The following KLHL42 variants were observed in gnomAD, a reference collection of about 807,000 sequenced individuals.
KLHL42 encodes kelch like family member 42, also known as kelch-like protein 42.
A neutral mutation model predicts 32.7 loss-of-function variants in KLHL42; 27 were observed. The observed-to-expected ratio is 0.83, with a 90% CI of 0.61 to 1.14. The LOEUF (loss-of-function observed/expected upper bound fraction) is 1.14. KLHL42 is among the 50% of genes most tolerant of loss of function. KLHL42 has a pLI of 0.00. For synonymous variants in KLHL42, 267 were observed against 248.2 expected, an observed-to-expected ratio of 1.08 and a Z score of -0.71; for missense variants, 491 against 560.8, an observed-to-expected ratio of 0.88 and a Z score of 1.26.
At chr12:27,783,924 A>G (rs980443814) in intron 1 of KLHL42, among the ~76,000 whole-genome samples, 2 of 152,102 alleles carry the variant, frequency 1.3e-5, no homozygotes, top group African/African-American at 4.8e-5. Flanking sequence ...ATTCCAGCCT[A>G]TGGATGTACC....
Position 27,780,312 on chromosome 12 carries a change from C to A in KLHL42, c.-19C>A, listed in dbSNP as rs749872535. 6.5e-6 allele frequency: 10 copies of A among 1,543,158 alleles called. No homozygotes were observed. The highest frequency in any genetic ancestry group is 8.7e-6 in the Non-Finnish European group (10 of 1,149,420). ...GCGCAGATCTGGCGGTGAGCGCTGC[C>A]GCCCCGGGGCCCCCAGCCATGTCGG... is the stretch of plus-strand genomic sequence containing the variant. On this transcript the variant is annotated 5_prime_UTR_variant, in exon 1 of 3. Transcript: ENST00000381271. The surrounding 1 kb of genome is among the most constrained non-coding windows in gnomAD (Gnocchi z 8.8).
Position 27,781,196 on chromosome 12 carries a change from A to C in KLHL42, c.866A>C (p.Gln289Pro). ...NEWLQVASMN[Q>P]KRSNFKLVAV... ...TGGCTCCAGGTGGCCTCCATGAACCAGAAGAGGTAAGCACCCCGGCAGAGT... is the reference window on the plus strand; with the variant it reads ...TGGCTCCAGGTGGCCTCCATGAACCCGAAGAGGTAAGCACCCCGGCAGAGT... Residue 289 changes from glutamine to proline, a missense_variant, in exon 1 of 3, where the codon CAG (glutamine) becomes CCG (proline). Transcript: ENST00000381271. 1 of 1,613,622 alleles carries C rather than the reference A, an allele frequency of 6.2e-7. No homozygotes were observed. The highest frequency in any genetic ancestry group is 8.5e-7 in the Non-Finnish European group (1 of 1,180,010).
rs764521544 is a variant in KLHL42, at chr12:27,780,848, C to T, written c.518C>T (p.Pro173Leu). The T allele has an allele frequency of 1.2e-6, 2 of 1,613,788 alleles. No individual in the cohort carries two copies. Among genetic ancestry groups the T allele is most frequent in the African/African-American group, 1.3e-5 (1 of 74,938 alleles). The change falls in exon 1 of 3, where the codon CCC becomes CTC. Residue 173 changes from proline (P) to leucine (L), a missense_variant. Physicochemically the swap from Pro to Leu is moderately conservative, Grantham distance 98. Coordinates refer to ENST00000381271, the MANE Select transcript of KLHL42 (RefSeq NM_020782.2). The surrounding 1 kb of genome is among the most constrained non-coding windows in gnomAD (Gnocchi z 8.8). ...KPQFHLLGSP[P>L]QAPGDVSLKQ... ...CAGTTCCACCTCCTGGGGTCTCCTC[C>T]CCAAGCTCCAGGGGATGTCAGCCTG...
chr12:27,782,961 A>G (rs2062155472), intron 1 of KLHL42, among the ~76,000 whole-genome samples: 1 of 152,164 alleles, frequency 6.6e-6, no homozygotes, highest in Admixed American at 6.5e-5. Context: ...AATTATATGT[A>G]TACTTGTATA....
chr12:27,795,683 T>C (rs2062215485), intron 2 of KLHL42, among the ~76,000 whole-genome samples: 1 of 152,224 alleles, frequency 6.6e-6, no homozygotes, highest in Non-Finnish European at 1.5e-5. Context: ...GTGAGACTTT[T>C]AAAATTTAGT....
At chr12:27,788,479 C>A (rs540247926) in intron 1 of KLHL42, among the ~76,000 whole-genome samples, 1 of 152,312 alleles carries the variant, frequency 6.6e-6, no homozygotes, top group African/African-American at 2.4e-5. Flanking sequence ...TTGTATGTAG[C>A]TACTGTTAAT....
intron 2 of KLHL42, among the ~76,000 whole-genome samples, chr12:27,797,033 A>G (rs1166651262): frequency 1.3e-5 from 2 of 152,100 alleles, no homozygotes; most frequent in African/African-American, 4.8e-5. Context: ...GACATGGGAA[A>G]TGGGAAAAGG....
chr12:27,783,339 A>G (rs2062156879), intron 1 of KLHL42, among the ~76,000 whole-genome samples: 1 of 152,070 alleles, frequency 6.6e-6, no homozygotes, highest in Non-Finnish European at 1.5e-5. Flanking sequence ...ATGTAAGTGG[A>G]CCCTCACAGT....
chr12:27,781,257 T>C, intron 1 of KLHL42, 55 bp downstream of exon 1: 2 of 1,577,824 alleles, frequency 1.3e-6, no homozygotes, highest in Non-Finnish European at 1.7e-6. Context: ...TGTTCATTAG[T>C]TCATTACCCC....
chr12:27,781,730 T>C (rs2062149665), intron 1 of KLHL42, among the ~76,000 whole-genome samples: 1 of 152,208 alleles, frequency 6.6e-6, no homozygotes, highest in African/African-American at 2.4e-5. Context: ...GGGTTGCTTT[T>C]CTTATTTTTT....
At chr12:27,795,789 C>T (rs1287420461) in intron 2 of KLHL42, among the ~76,000 whole-genome samples, 2 of 152,092 alleles carry the variant, frequency 1.3e-5, no homozygotes, top group African/African-American at 4.8e-5. Context: ...AGAGTAATAG[C>T]TATAAAGGGA....
At chr12:27,782,273 G>T (rs188483478) in intron 1 of KLHL42, among the ~76,000 whole-genome samples, 196 of 152,196 alleles carry the variant, frequency 1.3e-3, no homozygotes, top group Middle Eastern at 3.4e-3. Flanking sequence ...TTATTTGGGG[G>T]AAATAACTGG....
At position 27,794,306 on chromosome 12, in the gene KLHL42, T is replaced by G. The variant is rs573623540; in HGVS notation, c.1066+2405T>G. On this transcript the variant is annotated intron_variant, in intron 2 of 2. Transcript: ENST00000381271. ...CTTCTAGTCTCTGGTAGCTCGGGGCTCCTTGGCTGGTGGCTCCATGATGCC... is the reference window on the plus strand; with the variant it reads ...CTTCTAGTCTCTGGTAGCTCGGGGCGCCTTGGCTGGTGGCTCCATGATGCC... Among the ~76,000 whole-genome samples, 4 of 152,308 alleles carry G rather than the reference T, an allele frequency of 2.6e-5. No individual in the cohort carries two copies. In the East Asian group the frequency reaches 5.8e-4, roughly 22 times the overall value.
chr12:27,786,300 T>C (rs2062171620), intron 1 of KLHL42, among the ~76,000 whole-genome samples: 1 of 152,228 alleles, frequency 6.6e-6, no homozygotes, highest in Non-Finnish European at 1.5e-5. Context: ...CTTTTCAAAA[T>C]TTCATCATGT....
intron 2 of KLHL42, among the ~76,000 whole-genome samples, chr12:27,796,654 A>C (rs567243870): frequency 9.5e-4 from 144 of 152,190 alleles, no homozygotes; most frequent in African/African-American, 3.3e-3. Flanking sequence ...TTTTGAGAGA[A>C]CAGGATCTCA....
At position 27,791,860 on chromosome 12, in the gene KLHL42, G is replaced by T; in HGVS notation, c.1025G>T (p.Cys342Phe). ...CTGGCTGAGTTCTCTGCCTGTGAGT[G>T]TAAGGGAAAAATTTATGTCATTGGA... ...NPLAEFSACE[C>F]KGKIYVIGGY... Residue 342 changes from cysteine to phenylalanine, a missense_variant, in exon 2 of 3, where the codon TGT becomes TTT. Cys to Phe is a radical substitution (Grantham distance 205). Around this residue, in one of 4 missense-constraint regions of KLHL42, gnomAD observed 152 missense variants for 125.9 expected, o/e 1.21. Transcript: ENST00000381271. The T allele has an allele frequency of 6.2e-7, 1 of 1,614,174 alleles. No homozygotes were observed.
chr12:27,792,021 G>C (rs2062199573), intron 2 of KLHL42, 120 bp downstream of exon 2: 1 of 754,022 alleles, frequency 1.3e-6, no homozygotes, highest in Non-Finnish European at 2.2e-6. Context: ...CTTTAATAGT[G>C]TACACTTACA....
At chr12:27,784,130 TTTG>T (rs2062161159) in intron 1 of KLHL42, among the ~76,000 whole-genome samples, 7 of 146,852 alleles carry the variant, frequency 4.8e-5, no homozygotes, top group African/African-American at 7.5e-5. Flanking sequence ...GTTTTTTTTT[TTTG>T]TTTTTGTTTT....
rs1394706411 is a variant in KLHL42, at chr12:27,780,719, G to A, written c.389G>A (p.Cys130Tyr). 2 of 1,613,018 alleles carry A rather than the reference G, an allele frequency of 1.2e-6. No homozygotes were observed. The highest frequency in any genetic ancestry group is 1.1e-5 in the South Asian group (1 of 91,070). The change falls in exon 1 of 3, where the codon TGC (cysteine) becomes TAC (tyrosine). Residue 130 changes from cysteine (C) to tyrosine (Y), a missense_variant. Cys to Tyr is a radical substitution (Grantham distance 194, BLOSUM62 -2). Coordinates refer to ENST00000381271, the MANE Select transcript of KLHL42 (RefSeq NM_020782.2). This position sits in a 1 kb window ranked among gnomAD's most constrained non-coding sequence, Gnocchi z 8.8. ...CTGTCCCAGGTGCGGCTCAATAACT[G>A]CCTGGAGATGTACCGCCTGGCGCAG... The part of the protein sequence containing the change: ...LLLSQVRLNN[C>Y]LEMYRLAQVY...
Sources: allele counts gnomAD v4.1 joint callset (sites outside exome capture counted in the v4.1 genomes callset), GRCh38; gene constraint gnomAD v4.1.1; regional missense constraint gnomAD v4.1.1; non-coding constraint Gnocchi (gnomAD v3.1); transcripts MANE v1.5; gene names NCBI Gene and HGNC (gene_info 2026-07-23, HGNC 2026-07-21).